GRIK2: variants seen among roughly 807,000 people sequenced by gnomAD.
GRIK2 encodes the protein glutamate receptor ionotropic, kainate 2.
A neutral mutation model predicts 100.3 loss-of-function variants in GRIK2; 32 were observed. The ratio of observed to expected loss-of-function variants is 0.32; its 90% CI spans 0.24 to 0.43. The LOEUF (loss-of-function observed/expected upper bound fraction) is 0.43. Ranked by LOEUF, GRIK2 falls within the 20% of genes least tolerant of loss-of-function variation. The probability of loss-of-function intolerance (pLI) is 1.00; values close to 1 mark genes in which losing one functional copy is unlikely to be tolerated. For missense variants in GRIK2, 843 were observed against 1,114.9 expected, an observed-to-expected ratio of 0.76 and a Z score of 3.47; for synonymous variants, 417 against 389.4, an observed-to-expected ratio of 1.07 and a Z score of -0.83.
At chr6:102,063,884 G>T in intron 16 of GRIK2, 1 of 662,538 alleles carries the variant, frequency 1.5e-6, no homozygotes, top group Non-Finnish European at 2.7e-6. Context: ...TAAATATAAT[G>T]AATTTTATTA....
chr6:101,977,263 ATGT>A (rs1793446168), intron 14 of GRIK2, among the ~76,000 whole-genome samples: 1 of 151,348 alleles, frequency 6.6e-6, no homozygotes, highest in Non-Finnish European at 1.5e-5. Flanking sequence ...ATGTTATGTT[ATGT>A]TATGTTATGT....
chr6:101,433,567 T>C lies in GRIK2; in HGVS notation c.115+34175T>C, dbSNP rs1295451856. On this transcript the variant is annotated intron_variant, in intron 2 of 16. Transcript: ENST00000369134. ...ATGTTTTTGTTCCTTTTATGTTGTC[T>C]GATCTGATGTGTCTAAAAATTATCT... Among the ~76,000 whole-genome samples the C allele has an allele frequency of 2.6e-5, 4 of 152,200 alleles. No individual in the cohort carries two copies. In the East Asian group the frequency reaches 7.7e-4, roughly 29 times the overall value.
chr6:101,800,054 A>G (rs1294494240), intron 8 of GRIK2, among the ~76,000 whole-genome samples: 1 of 152,160 alleles, frequency 6.6e-6, no homozygotes, highest in Non-Finnish European at 1.5e-5. Context: ...GTAGAGATAT[A>G]GATTAATAAA....
chr6:101,429,739 A>G (rs986858432), intron 2 of GRIK2, among the ~76,000 whole-genome samples: 2 of 152,116 alleles, frequency 1.3e-5, no homozygotes, highest in African/African-American at 4.8e-5. Flanking sequence ...TCCTTACACA[A>G]TGACGTGTTG....
In GRIK2 at chr6:101,493,474, G is replaced by C. The variant is rs145185248; in HGVS notation, c.115+94082G>C. 1.9e-3 allele frequency among the ~76,000 whole-genome samples: 291 copies of C among 152,134 alleles called. 2 individuals carry two copies. The highest frequency in any genetic ancestry group is 6.9e-3 in the African/African-American group (288 of 41,536). ...AAATGATATCTTCAGATTTCTTAGAGACAATGACTGTTAACATAGAATCAA... is the reference window on the plus strand; with the variant it reads ...AAATGATATCTTCAGATTTCTTAGACACAATGACTGTTAACATAGAATCAA... On this transcript the variant is annotated intron_variant, in intron 2 of 16. Coordinates refer to ENST00000369134, the MANE Select transcript of GRIK2 (RefSeq NM_021956.5).
At chr6:102,015,983 G>A (rs1456788072) in intron 14 of GRIK2, among the ~76,000 whole-genome samples, 1 of 151,830 alleles carries the variant, frequency 6.6e-6, no homozygotes, top group Non-Finnish European at 1.5e-5. Flanking sequence ...TCATCAAATA[G>A]GATAAAAGAA....
chr6:101,407,477 T>C (rs1323276000), intron 2 of GRIK2, among the ~76,000 whole-genome samples: 2 of 152,158 alleles, frequency 1.3e-5, no homozygotes, highest in Non-Finnish European at 2.9e-5. Context: ...AGCCTCTGAC[T>C]CCCTGTGCTT....
At chr6:101,474,072 C>G (rs1489069623) in intron 2 of GRIK2, among the ~76,000 whole-genome samples, 1 of 151,780 alleles carries the variant, frequency 6.6e-6, no homozygotes, top group South Asian at 2.1e-4. Context: ...TATTAATGCT[C>G]TCAGAGGAGG....
chr6:101,996,545 T>C (rs1794660186), intron 14 of GRIK2, among the ~76,000 whole-genome samples: 1 of 152,110 alleles, frequency 6.6e-6, no homozygotes, highest in Admixed American at 6.6e-5. Flanking sequence ...GTATTTTCAT[T>C]TGTTCAGAGC....
intron 7 of GRIK2, among the ~76,000 whole-genome samples, chr6:101,686,685 A>C (rs963391175): frequency 6.6e-6 from 1 of 152,196 alleles, no homozygotes; most frequent in East Asian, 1.9e-4. Context: ...TATCCTTCTG[A>C]TCTTACCTAT....
In GRIK2 at chr6:102,006,390, A is replaced by ATTT. The variant is rs34620995; in HGVS notation, c.2086-28939_2086-28937dup. ...CTTTTATATATATATATATATATAT[A>ATTT]TTTTTTTTTTTTTTGAGACATACAG... is the stretch of plus-strand genomic sequence containing the variant. On this transcript the variant is annotated intron_variant, in intron 14 of 16. Coordinates refer to ENST00000369134, the MANE Select transcript of GRIK2 (RefSeq NM_021956.5). 9.2e-3 allele frequency among the ~76,000 whole-genome samples: 1,051 copies of ATTT among 114,088 alleles called. 24 individuals carry two copies. The highest frequency in any genetic ancestry group is 0.039 in the African/African-American group (864 of 21,912). The allele number at this position is 114,088 out of a possible 152,430, so 74.8% of individuals were successfully genotyped here.
intron 2 of GRIK2, among the ~76,000 whole-genome samples, chr6:101,602,638 A>T (rs1779275170): frequency 6.6e-6 from 1 of 151,582 alleles, no homozygotes; most frequent in Non-Finnish European, 1.5e-5. Flanking sequence ...CTTTGAGTTC[A>T]TTGGTTATAT....
intron 7 of GRIK2, among the ~76,000 whole-genome samples, chr6:101,785,955 T>C (rs1233375587): frequency 1.3e-5 from 2 of 152,156 alleles, no homozygotes; most frequent in Non-Finnish European, 2.9e-5. Flanking sequence ...TACATGAGCA[T>C]GGTCTTTTCA....
intron 2 of GRIK2, among the ~76,000 whole-genome samples, chr6:101,602,137 T>C (rs1413428082): frequency 6.6e-6 from 1 of 151,764 alleles, no homozygotes; most frequent in Non-Finnish European, 1.5e-5. Flanking sequence ...TTTTCATTTA[T>C]TTCAAAGAAT....
intron 7 of GRIK2, among the ~76,000 whole-genome samples, chr6:101,760,646 A>AATTATATT (rs1777547215): frequency 1.3e-5 from 1 of 78,790 alleles, no homozygotes; most frequent in African/African-American, 6.4e-5. Flanking sequence ...ATAATTATAT[A>AATTATATT]TAATTATATG....
At chr6:101,771,273 G>A (rs1778386794) in intron 7 of GRIK2, among the ~76,000 whole-genome samples, 1 of 151,614 alleles carries the variant, frequency 6.6e-6, no homozygotes, top group East Asian at 1.9e-4. Context: ...GCAACGGGTT[G>A]TATAACTTTT....
chr6:101,433,938 C>T (rs1173861981), intron 2 of GRIK2, among the ~76,000 whole-genome samples: 1 of 152,054 alleles, frequency 6.6e-6, no homozygotes, highest in East Asian at 1.9e-4. Context: ...CTTAAAATAG[C>T]GACTAGAGAG....
At chr6:101,710,961 A>G (rs1773654762) in intron 7 of GRIK2, among the ~76,000 whole-genome samples, 1 of 151,808 alleles carries the variant, frequency 6.6e-6, no homozygotes, top group Non-Finnish European at 1.5e-5. Context: ...ACCTATCTGC[A>G]GTATTAGTAG....
intron 2 of GRIK2, among the ~76,000 whole-genome samples, chr6:101,499,270 G>A (rs1230391595): frequency 2.0e-5 from 3 of 152,114 alleles, no homozygotes; most frequent in Non-Finnish European, 4.4e-5. Context: ...ATTTAAAATA[G>A]CATTGCTATT....
Sources: allele counts gnomAD v4.1 joint callset (sites outside exome capture counted in the v4.1 genomes callset), GRCh38; gene constraint gnomAD v4.1.1; transcripts MANE v1.5; gene names NCBI Gene and HGNC (gene_info 2026-07-23, HGNC 2026-07-21).